Variants in ZNF777 observed in about 807,000 individuals in gnomAD.
ZNF777 encodes zinc finger protein 777.
In ZNF777, 7 loss-of-function variants were observed where a neutral mutation model predicts 72.1. The observed-to-expected ratio is 0.10, with a 90% CI of 0.06 to 0.18. ZNF777 has a LOEUF of 0.18. Among genes scored for constraint, ZNF777 ranks in the 10% least tolerant of loss-of-function variants. The probability of loss-of-function intolerance (pLI) is 1.00; values close to 1 mark genes in which losing one functional copy is unlikely to be tolerated. For missense variants in ZNF777, 828 were observed against 1,128.6 expected (o/e 0.73, Z 3.82); for synonymous variants, 545 against 483.5 (o/e 1.13, Z -1.67).
At chr7:149,459,566 G>T in intron 1 of ZNF777, 1 of 928,810 alleles carries the variant, frequency 1.1e-6, no homozygotes, top group Non-Finnish European at 1.3e-6. Context: ...ACCCAGGGGC[G>T]GCCGCCGCCA....
rs746472929 is a variant in ZNF777, at chr7:149,432,683, C to T, written c.1589G>A (p.Arg530His). 45 of 1,612,864 alleles carry T rather than the reference C, an allele frequency of 2.8e-5. No homozygotes were observed. Among genetic ancestry groups the T allele is most frequent in the Non-Finnish European group, 3.6e-5 (42 of 1,179,632 alleles). Reference sequence around the variant, plus strand: ...CCGCTGCTGCTGGCTCGAGGCCCCGCGGTTCTCGCTCAGGTGCCGCTCACC... The same window carrying T: ...CCGCTGCTGCTGGCTCGAGGCCCCGTGGTTCTCGCTCAGGTGCCGCTCACC... ...VHGERHLSEN[R>H]GASSQQQRNR... Residue 530 changes from arginine (R) to histidine (H), a missense_variant, in exon 6 of 6, where the codon CGC becomes CAC. Physicochemically the swap from Arg to His is conservative, Grantham distance 29. Coordinates refer to ENST00000247930, the MANE Select transcript of ZNF777 (RefSeq NM_015694.3).
At position 149,431,951 on chromosome 7, in the gene ZNF777, C is replaced by T; in HGVS notation, c.2321G>A (p.Gly774Asp). 1 of 1,611,044 alleles carries T rather than the reference C, an allele frequency of 6.2e-7. No homozygotes were observed. The highest frequency in any genetic ancestry group is 8.5e-7 in the Non-Finnish European group (1 of 1,179,516). Residue 774 changes from glycine to aspartate, a missense_variant, in exon 6 of 6, where the codon GGC (glycine) becomes GAC (aspartate). Physicochemically the swap from Gly to Asp is moderately conservative, Grantham distance 94 (BLOSUM62 -1). Coordinates refer to ENST00000247930, the MANE Select transcript of ZNF777 (RefSeq NM_015694.3). ...HLLEHRRIHT[G>D]ERPYHCAECG... ...CTCGGCGCAGTGGTAGGGCCGCTCGCCTGTGTGGATGCGCCGGTGTTCCAG... is the reference window on the plus strand; with the variant it reads ...CTCGGCGCAGTGGTAGGGCCGCTCGTCTGTGTGGATGCGCCGGTGTTCCAG...
At chr7:149,459,868 C>T in intron 1 of ZNF777, 1 of 983,962 alleles carries the variant, frequency 1.0e-6, no homozygotes, top group Non-Finnish European at 1.2e-6. Context: ...GGCGCCCCAC[C>T]TCGGGGCCGC....
At position 149,460,146 on chromosome 7, in the gene ZNF777, T is replaced by A. The variant is rs937571774; in HGVS notation, c.-16+669A>T. 6 of 976,542 alleles carry A rather than the reference T, an allele frequency of 6.1e-6. No homozygotes were observed. The highest frequency in any genetic ancestry group is 3.5e-5 in the African/African-American group (2 of 56,558). The allele number at this position is 976,542 out of a possible 1,614,324, so 60.5% of individuals were successfully genotyped here. A position where few individuals can be genotyped will look rare whatever the true frequency, so the allele number is the denominator to read the frequency against. ...ACAGGAGCCGGGGCCGCCTCGGCCA[T>A]GGCCCTGCGCTGTCCGGCCCGGGCC... On this transcript the variant is annotated intron_variant, in intron 1 of 5. Transcript: ENST00000247930. The surrounding 1 kb of genome is among the most constrained non-coding windows in gnomAD (Gnocchi z 6.1).
At chr7:149,459,609 C>T in intron 1 of ZNF777, 1 of 983,156 alleles carries the variant, frequency 1.0e-6, no homozygotes, top group Admixed American at 6.1e-5. Context: ...GCCCGCAGCC[C>T]TCTGGGCAGG....
At chr7:149,440,818 T>C (rs1438231243) in intron 4 of ZNF777, among the ~76,000 whole-genome samples, 2 of 152,010 alleles carry the variant, frequency 1.3e-5, no homozygotes, top group Non-Finnish European at 2.9e-5. Flanking sequence ...AAGCCACCTG[T>C]ATTATGTCCC....
At chr7:149,444,550 AT>A (rs1554493636) in intron 4 of ZNF777, among the ~76,000 whole-genome samples, 1 of 152,088 alleles carries the variant, frequency 6.6e-6, no homozygotes, top group Non-Finnish European at 1.5e-5. Flanking sequence ...TTACTTCCTC[AT>A]TTTGGCAAAG....
intron 3 of ZNF777, 75 bp from the exon 4 acceptor site, chr7:149,451,187 G>C (rs1799709736): frequency 7.6e-7 from 1 of 1,314,634 alleles, no homozygotes; most frequent in South Asian, 1.2e-5. Flanking sequence ...TCATCTGTGG[G>C]CACGTGATTC....
Position 149,432,409 on chromosome 7 carries a change from G to C in ZNF777, c.1863C>G (p.Pro621=). The C allele has an allele frequency of 6.2e-7, 1 of 1,613,518 alleles. No individual in the cohort carries two copies. The highest frequency in any genetic ancestry group is 8.5e-7 in the Non-Finnish European group (1 of 1,179,968). ...CGCCGCTACCAGAGCTGGGTGACTT[G>C]GGACGCGGCTTGAGCGCGTGCTTGG... ...FNPKHALKPR[P]KSPSSGSGGG... The change falls in exon 6 of 6, where the codon CCC becomes CCG. Residue 621 remains proline, a synonymous_variant. Coordinates refer to ENST00000247930, the MANE Select transcript of ZNF777 (RefSeq NM_015694.3).
chr7:149,448,170 T>C (rs1397161251), intron 4 of ZNF777, among the ~76,000 whole-genome samples: 1 of 152,062 alleles, frequency 6.6e-6, no homozygotes, highest in African/African-American at 2.4e-5. Flanking sequence ...ATATTTAAAA[T>C]ATACTTAAAA....
intron 4 of ZNF777, among the ~76,000 whole-genome samples, chr7:149,449,018 T>C (rs1799666695): frequency 6.6e-6 from 1 of 152,254 alleles, no homozygotes; most frequent in African/African-American, 2.4e-5. Flanking sequence ...TCTCATACTT[T>C]TGGTCTGGCC....
chr7:149,442,346 GGT>G (rs1799535306), intron 4 of ZNF777, among the ~76,000 whole-genome samples: 1 of 151,686 alleles, frequency 6.6e-6, no homozygotes, highest in African/African-American at 2.4e-5. Context: ...GGCCAGGCGT[GGT>G]GGCTCACGCC....
At chr7:149,440,501 G>T (rs185630735) in intron 4 of ZNF777, among the ~76,000 whole-genome samples, 7 of 152,086 alleles carry the variant, frequency 4.6e-5, no homozygotes, top group African/African-American at 1.7e-4. Flanking sequence ...GGGTCTACAG[G>T]CAAGTGCTAC....
At chr7:149,435,658 C>T (rs1312180989) in intron 5 of ZNF777, among the ~76,000 whole-genome samples, 1 of 152,062 alleles carries the variant, frequency 6.6e-6, no homozygotes, top group East Asian at 1.9e-4. Flanking sequence ...ACAATACAAA[C>T]GTAATGGTGA....
Position 149,436,946 on chromosome 7 carries a change from A to G in ZNF777, c.1088-120T>C, listed in dbSNP as rs1799422432. ...ATAAGTCTTATCTTAGAGACCCTGAAGAAATGTAATATTGAGTTGGAAATG... is the reference window on the plus strand; with the variant it reads ...ATAAGTCTTATCTTAGAGACCCTGAGGAAATGTAATATTGAGTTGGAAATG... On this transcript the variant is annotated intron_variant, in intron 4 of 5. Transcript: ENST00000247930. The surrounding 1 kb of genome is among the most constrained non-coding windows in gnomAD (Gnocchi z 5.0). The G allele has an allele frequency of 4.7e-6, 6 of 1,286,408 alleles. No homozygotes were observed. The highest frequency in any genetic ancestry group is 5.3e-6 in the Non-Finnish European group (5 of 939,078). 79.7% of individuals were successfully genotyped at this position (1,286,408 alleles called of 1,614,324 possible).
In ZNF777 at chr7:149,457,034, G is replaced by A. The variant is rs1414961465; in HGVS notation, c.-15-997C>T. ...GGTTTCCGACATGGGGAATGAGGAA[G>A]TAGTGAGGCCTGGAAGGATGGGGAA... On this transcript the variant is annotated intron_variant, in intron 1 of 5. Coordinates refer to ENST00000247930, the MANE Select transcript of ZNF777 (RefSeq NM_015694.3). 2.0e-5 allele frequency among the ~76,000 whole-genome samples: 3 copies of A among 152,338 alleles called. No individual in the cohort carries two copies. The East Asian group carries it at 5.8e-4, about 29-fold the overall frequency.
intron 1 of ZNF777, among the ~76,000 whole-genome samples, chr7:149,457,426 G>A (rs1403667755): frequency 1.3e-5 from 2 of 152,166 alleles, no homozygotes; most frequent in African/African-American, 4.8e-5. Flanking sequence ...AATTGGCATA[G>A]CCCCAGTGTT....
At chr7:149,445,537 T>C (rs1799587308) in intron 4 of ZNF777, among the ~76,000 whole-genome samples, 1 of 152,198 alleles carries the variant, frequency 6.6e-6, no homozygotes, top group African/African-American at 2.4e-5. Flanking sequence ...GTCCCAAAAG[T>C]CTCCAGATAA....
rs117823797 is a variant in ZNF777, at chr7:149,442,664, T to A, written c.1088-5838A>T. ...CCACAAACTAGGAAAAGTATTCACA[T>A]ACATACTGTTAGACAAGAGCTAATA... On this transcript the variant is annotated intron_variant, in intron 4 of 5. Coordinates refer to ENST00000247930, the MANE Select transcript of ZNF777 (RefSeq NM_015694.3). Among the ~76,000 whole-genome samples the A allele has an allele frequency of 8.5e-3, 1,286 of 151,070 alleles. 5 individuals are homozygous for A. The highest frequency in any genetic ancestry group is 0.027 in the Middle Eastern group (8 of 294).
Sources: gnomAD v4.1 joint callset for allele counts (sites outside exome capture counted in the v4.1 genomes callset) on GRCh38, gnomAD v4.1.1 for gene constraint, Gnocchi (gnomAD v3.1) non-coding constraint, MANE v1.5 for transcripts, NCBI Gene and HGNC (gene_info 2026-07-23, HGNC 2026-07-21) for gene names.